LPCAT2: variants seen among roughly 807,000 people sequenced by gnomAD.
LPCAT2 encodes the protein 1-AGP acyltransferase 11.
LPCAT2 carries 58 observed loss-of-function variants against 64.7 expected under a neutral mutation model. The observed-to-expected ratio is 0.90, with a 90% confidence interval of 0.73 to 1.12. The LOEUF is 1.12. Ranked by LOEUF, LPCAT2 falls within the 50% of genes most tolerant of loss-of-function variation. LPCAT2 has a pLI of 0.00. For synonymous variants in LPCAT2, 252 were observed against 245.3 expected, an observed-to-expected ratio of 1.03 and a Z score of -0.26; for missense variants, 579 against 669.8, an observed-to-expected ratio of 0.86 and a Z score of 1.50.
At position 55,528,488 on chromosome 16, in the gene LPCAT2, T is replaced by C. The variant is rs1336330908; in HGVS notation, c.423T>C (p.Phe141=). 2 of 1,613,960 alleles carry C rather than the reference T, an allele frequency of 1.2e-6. No individual in the cohort carries two copies. Among genetic ancestry groups the C allele is most frequent in the Admixed American group, 1.7e-5 (1 of 59,966 alleles). ...CAAGTCCTTTGGAAGCACCAGTTTT[T>C]GTTGCTGCCCCTCATTCAACATTCT... ...KIASPLEAPV[F]VAAPHSTFFD... Residue 141 remains phenylalanine, a synonymous_variant, in exon 3 of 14, where the codon TTT becomes TTC. Coordinates refer to ENST00000262134, the MANE Select transcript of LPCAT2 (RefSeq NM_017839.5).
At chr16:55,547,754 A>G (rs1963469686) in intron 9 of LPCAT2, among the ~76,000 whole-genome samples, 1 of 152,092 alleles carries the variant, frequency 6.6e-6, no homozygotes, top group African/African-American at 2.4e-5. Context: ...AAAATATTTT[A>G]GATAGAAATT....
At chr16:55,510,437 G>A (rs1263325158) in intron 1 of LPCAT2, among the ~76,000 whole-genome samples, 1 of 136,794 alleles carries the variant, frequency 7.3e-6, no homozygotes, top group Non-Finnish European at 1.5e-5. Flanking sequence ...ATTTGTCCGT[G>A]TGTTCTGCGG....
At chr16:55,537,727 C>A in intron 8 of LPCAT2, 95 bp downstream of exon 8, 5 of 990,834 alleles carry the variant, frequency 5.0e-6, no homozygotes, top group Non-Finnish European at 6.2e-6. Flanking sequence ...AAAGGTCCAT[C>A]ACCAGGTGTT....
At chr16:55,541,308 A>T (rs375327476) in intron 8 of LPCAT2, 1 of 152,132 alleles carries the variant, frequency 6.6e-6, no homozygotes, top group South Asian at 2.1e-4. Context: ...TAATTTAAAA[A>T]GAATTTCTGA....
At chr16:55,554,045 A>G (rs531561763) in intron 11 of LPCAT2, among the ~76,000 whole-genome samples, 253 of 152,302 alleles carry the variant, frequency 1.7e-3, no homozygotes, top group African/African-American at 5.9e-3. Context: ...AAATCATCCT[A>G]TGAACAAATG....
chr16:55,536,351 A>G (rs1963324407), intron 7 of LPCAT2, among the ~76,000 whole-genome samples: 1 of 152,218 alleles, frequency 6.6e-6, no homozygotes, highest in South Asian at 2.1e-4. Context: ...GTGTGGTTTC[A>G]TATTTTTCAC....
chr16:55,540,295 G>A (rs747596284), intron 8 of LPCAT2: 2 of 152,226 alleles, frequency 1.3e-5, no homozygotes, highest in Non-Finnish European at 2.9e-5. Flanking sequence ...TGATGAAGTT[G>A]TCTGTCTACA....
chr16:55,526,953 A>G (rs2030685704), intron 2 of LPCAT2, among the ~76,000 whole-genome samples: 2 of 152,184 alleles, frequency 1.3e-5, no homozygotes, highest in South Asian at 2.1e-4. Flanking sequence ...GGCTCAGAAT[A>G]TGGGATAAAT....
At chr16:55,536,742 T>C (rs1963329007) in intron 7 of LPCAT2, among the ~76,000 whole-genome samples, 1 of 152,194 alleles carries the variant, frequency 6.6e-6, no homozygotes, top group Admixed American at 6.5e-5. Context: ...CTGGGTCAAT[T>C]GTCTAATGAG....
At chr16:55,534,847 T>A (rs1963304114) in intron 7 of LPCAT2, among the ~76,000 whole-genome samples, 11 of 152,190 alleles carry the variant, frequency 7.2e-5, no homozygotes, top group Admixed American at 7.2e-4. Flanking sequence ...CTTACTATGT[T>A]GGTTTAAGCC....
chr16:55,534,148 A>C (rs1290132411), intron 6 of LPCAT2, among the ~76,000 whole-genome samples: 1 of 152,164 alleles, frequency 6.6e-6, no homozygotes, highest in Non-Finnish European at 1.5e-5. Context: ...AATTATCCAG[A>C]TATGTTCATA....
In LPCAT2 at chr16:55,582,082, AT is replaced by A. The variant is rs1217437743; in HGVS notation, c.1451-826del. The stretch of plus-strand genomic sequence containing the variant: ...ATTATAGAAAGTGGTGGGTAATATA[AT>A]TTTTTAAACATTTTTTAAATTGCTA... On this transcript the variant is annotated intron_variant, in intron 13 of 13. Transcript: ENST00000262134. 2.1e-3 allele frequency among the ~76,000 whole-genome samples: 322 copies of A among 152,320 alleles called. 1 individual carries two copies. The highest frequency in any genetic ancestry group is 7.5e-3 in the African/African-American group (313 of 41,566).
intron 11 of LPCAT2, among the ~76,000 whole-genome samples, chr16:55,569,987 A>G (rs1473040725): frequency 6.6e-6 from 1 of 152,242 alleles, no homozygotes; most frequent in African/African-American, 2.4e-5. Context: ...TAATTCATAT[A>G]ACTCCATGCC....
Position 55,551,052 on chromosome 16 carries a change from A to G in LPCAT2, c.1165A>G (p.Lys389Glu), listed in dbSNP as rs1343683088. 1.2e-6 allele frequency: 2 copies of G among 1,613,144 alleles called. No individual in the cohort carries two copies. Among genetic ancestry groups the G allele is most frequent in the Non-Finnish European group, 1.7e-6 (2 of 1,179,396 alleles). The change falls in exon 11 of 14, where the codon AAG becomes GAG. Residue 389 changes from lysine (K) to glutamate (E), a missense_variant. By Grantham distance (56) the Lys-to-Glu change is moderately conservative (BLOSUM62 1). Transcript: ENST00000262134. ...IGIEEFAKYL[K>E]LPVSDVLRQL... ...AATTGAAGAATTCGCCAAGTATTTAAAGTTGCCTGTTTCAGATGTCTTGAG... is the reference window on the plus strand; with the variant it reads ...AATTGAAGAATTCGCCAAGTATTTAGAGTTGCCTGTTTCAGATGTCTTGAG...
At chr16:55,570,480 C>G (rs1174319009) in intron 11 of LPCAT2, among the ~76,000 whole-genome samples, 1 of 152,080 alleles carries the variant, frequency 6.6e-6, no homozygotes, top group Non-Finnish European at 1.5e-5. Flanking sequence ...TAAAAAATCC[C>G]CACAACTAGC....
At chr16:55,546,530 G>C (rs1963455541) in intron 9 of LPCAT2, among the ~76,000 whole-genome samples, 1 of 152,096 alleles carries the variant, frequency 6.6e-6, no homozygotes, top group Admixed American at 6.5e-5. Flanking sequence ...TGAGAACTCT[G>C]AATTTAGCTT....
chr16:55,519,517 A>AG (rs1333192567), intron 1 of LPCAT2, among the ~76,000 whole-genome samples: 2 of 151,382 alleles, frequency 1.3e-5, no homozygotes, highest in African/African-American at 2.4e-5. Context: ...ACAAAAAAAA[A>AG]AAGAAAGAAA....
chr16:55,520,590 C>T (rs762825511), intron 1 of LPCAT2, among the ~76,000 whole-genome samples: 17 of 151,750 alleles, frequency 1.1e-4, no homozygotes, highest in Non-Finnish European at 1.8e-4. Flanking sequence ...TAATGCTTAC[C>T]GACATAGACC....
At chr16:55,527,168 T>C (rs13337274) in intron 2 of LPCAT2, among the ~76,000 whole-genome samples, 73,405 of 151,916 alleles carry the variant, frequency 0.48, 18,349 homozygotes, top group Non-Finnish European at 0.55. Context: ...GAAACTTCTT[T>C]GGAACTAGTT....
Sources: gnomAD v4.1 joint callset for allele counts (sites outside exome capture counted in the v4.1 genomes callset) on GRCh38, gnomAD v4.1.1 for gene constraint, MANE v1.5 for transcripts, NCBI Gene and HGNC (gene_info 2026-07-23, HGNC 2026-07-21) for gene names.